Variants in BTG3 observed in about 807,000 individuals in gnomAD.
The protein encoded by BTG3 is protein BTG3.
A neutral mutation model predicts 25.8 loss-of-function variants in BTG3; 4 were observed. That is an observed-to-expected ratio of 0.16 (90% confidence interval 0.08 to 0.36). The LOEUF is 0.36. Among genes scored for constraint, BTG3 ranks in the 10% least tolerant of loss-of-function variants. The pLI, the probability that BTG3 is intolerant of heterozygous loss-of-function variation, is 1.00. For missense variants in BTG3, 201 were observed against 304.9 expected (o/e 0.66, Z 2.54); for synonymous variants, 107 against 99.9 (o/e 1.07, Z -0.42).
chr21:17,593,965 TA>T lies in BTG3; in HGVS notation c.*127del. 8.9e-7 allele frequency: 1 copy of T among 1,124,130 alleles called. No individual in the cohort carries two copies. The highest frequency in any genetic ancestry group is 1.2e-6 in the Non-Finnish European group (1 of 817,426). The allele number at this position is 1,124,130 out of a possible 1,614,324, so 69.6% of individuals were successfully genotyped here. The stretch of plus-strand genomic sequence containing the variant: ...GAAAGATTATTCTCAATAACTTCTA[TA>T]AAAATAAGTTTGATGGTTTGGCCCA... On this transcript the variant is annotated 3_prime_UTR_variant, in exon 5 of 5. Coordinates refer to ENST00000348354, the MANE Select transcript of BTG3 (RefSeq NM_006806.5).
At chr21:17,605,629 G>A (rs1464193233) in intron 2 of BTG3, among the ~76,000 whole-genome samples, 1 of 152,090 alleles carries the variant, frequency 6.6e-6, no homozygotes, top group Non-Finnish European at 1.5e-5. Flanking sequence ...TTAAATAGTT[G>A]TCAAAATTAA....
chr21:17,605,129 ATATC>A lies in BTG3; in HGVS notation c.174-136_174-133del, dbSNP rs1380070345. ...ATACCCTGGTAGAGAACCTAGGAGC[ATATC>A]TATCCTAAACAGATAATAAATGTGA... is the stretch of plus-strand genomic sequence containing the variant. On this transcript the variant is annotated intron_variant, in intron 2 of 4. Coordinates refer to ENST00000348354, the MANE Select transcript of BTG3 (RefSeq NM_006806.5). 2.9e-6 allele frequency: 3 copies of A among 1,025,278 alleles called. No individual in the cohort carries two copies. In the African/African-American group the frequency reaches 4.9e-5, roughly 17 times the overall value. 63.5% of individuals were successfully genotyped at this position (1,025,278 alleles called of 1,614,324 possible).
Position 17,593,804 on chromosome 21 carries a change from A to C in BTG3, c.*289T>G, listed in dbSNP as rs1032376921. ...GTGCTAGAACAAATCGTCCACTTCTACAGTGTTCTCGTATCCAACAGAGTT... is the reference window on the plus strand; with the variant it reads ...GTGCTAGAACAAATCGTCCACTTCTCCAGTGTTCTCGTATCCAACAGAGTT... On this transcript the variant is annotated 3_prime_UTR_variant, in exon 5 of 5. Transcript: ENST00000348354. 3.1e-6 allele frequency: 1 copy of C among 325,246 alleles called. No homozygotes were observed. The highest frequency in any genetic ancestry group is 2.2e-5 in the African/African-American group (1 of 46,096). 20.1% of individuals were successfully genotyped at this position (325,246 alleles called of 1,614,324 possible).
intron 1 of BTG3, among the ~76,000 whole-genome samples, chr21:17,611,118 T>G (rs1267727468): frequency 6.6e-6 from 1 of 152,146 alleles, no homozygotes; most frequent in Non-Finnish European, 1.5e-5. Context: ...CTGTGCAGCC[T>G]CCTCCTGAAA....
At chr21:17,597,746 A>G (rs1161502088) in intron 4 of BTG3, among the ~76,000 whole-genome samples, 1 of 152,100 alleles carries the variant, frequency 6.6e-6, no homozygotes, top group African/African-American at 2.4e-5. Flanking sequence ...TGAGAAAACC[A>G]AAAATTAAGT....
At chr21:17,596,241 C>T (rs1431648157) in intron 4 of BTG3, among the ~76,000 whole-genome samples, 1 of 151,916 alleles carries the variant, frequency 6.6e-6, no homozygotes, top group African/African-American at 2.4e-5. Context: ...CTATGGTTTG[C>T]CCATTTTCTT....
chr21:17,612,081 G>C (rs1205256341), intron 1 of BTG3: 2 of 152,356 alleles, frequency 1.3e-5, no homozygotes, highest in African/African-American at 4.8e-5. Flanking sequence ...CTGGGGTTTT[G>C]AGAGAGGTAG....
chr21:17,594,712 G>C lies in BTG3; in HGVS notation c.520-380C>G, dbSNP rs187986393. Among the ~76,000 whole-genome samples, 299 of 152,150 alleles carry C rather than the reference G, an allele frequency of 2.0e-3. 2 individuals carry two copies. The highest frequency in any genetic ancestry group is 3.6e-3 in the Admixed American group (55 of 15,258). On this transcript the variant is annotated intron_variant, in intron 4 of 4. Transcript: ENST00000348354. ...TTTTAAATACAAAACATTGGAGCTG[G>C]AGGCCATTATCCTTAGCAAACTAAT...
intron 2 of BTG3, 47 bp downstream of exon 2, chr21:17,608,925 A>C: frequency 6.4e-7 from 1 of 1,569,178 alleles, no homozygotes; most frequent in Non-Finnish European, 8.6e-7. Context: ...CCTTGAACCC[A>C]CCTCAGGGGT....
rs189117627 is a variant in BTG3, at chr21:17,612,637, C to T, written c.-9+62G>A. 670 of 152,330 alleles carry T rather than the reference C, an allele frequency of 4.4e-3. 22 individuals are homozygous for T. In the East Asian group the frequency reaches 0.084, roughly 19 times the overall value. The allele number at this position is 152,330 out of a possible 1,614,324, so 9.4% of individuals were successfully genotyped here. A position where few individuals can be genotyped will look rare whatever the true frequency, so the allele number is the denominator to read the frequency against. ...CGACGTGGCCGCAGGGGCGACGGGA[C>T]CACCCTCCCCCGATACCCACAGCCC... On this transcript the variant is annotated intron_variant, in intron 1 of 4. Coordinates refer to ENST00000348354, the MANE Select transcript of BTG3 (RefSeq NM_006806.5).
At chr21:17,601,714 G>A (rs1377334108) in intron 3 of BTG3, among the ~76,000 whole-genome samples, 2 of 152,106 alleles carry the variant, frequency 1.3e-5, no homozygotes, top group Non-Finnish European at 2.9e-5. Flanking sequence ...ATGTGTTAAT[G>A]ACACTAATAT....
chr21:17,606,661 A>G (rs2061646727), intron 2 of BTG3, among the ~76,000 whole-genome samples: 1 of 152,162 alleles, frequency 6.6e-6, no homozygotes, highest in Admixed American at 6.5e-5. Flanking sequence ...CAAAATCTGC[A>G]TACCTTACAT....
chr21:17,600,956 G>A (rs536860969), intron 3 of BTG3, among the ~76,000 whole-genome samples: 7 of 152,250 alleles, frequency 4.6e-5, no homozygotes, highest in Admixed American at 4.6e-4. Flanking sequence ...GAGGTCAGGC[G>A]TTCGAGGCCA....
chr21:17,608,426 G>A (rs533073911), intron 2 of BTG3, among the ~76,000 whole-genome samples: 1 of 151,516 alleles, frequency 6.6e-6, no homozygotes, highest in Non-Finnish European at 1.5e-5. Context: ...TTTACTAGTC[G>A]TGGATCACAG....
At chr21:17,611,815 GGCCTC>G (rs1569194376) in intron 1 of BTG3, 1 of 152,182 alleles carries the variant, frequency 6.6e-6, no homozygotes, top group Admixed American at 6.5e-5. Context: ...AATCAAGCTC[GGCCTC>G]GCAGGAGTTT....
chr21:17,594,352 T>A lies in BTG3; in HGVS notation c.520-20A>T. The A allele has an allele frequency of 6.3e-7, 1 of 1,599,234 alleles. No individual in the cohort carries two copies. Among genetic ancestry groups the A allele is most frequent in the South Asian group, 1.1e-5 (1 of 88,350 alleles). ...TGAAATCTGTAGGGAAGAGAACACATTAAGTTAATTCAAAGGAAAAAATCA... is the reference window on the plus strand; with the variant it reads ...TGAAATCTGTAGGGAAGAGAACACAATAAGTTAATTCAAAGGAAAAAATCA... On this transcript the variant is annotated intron_variant, in intron 4 of 4. Coordinates refer to ENST00000348354, the MANE Select transcript of BTG3 (RefSeq NM_006806.5).
chr21:17,600,272 A>C (rs1477668447), intron 3 of BTG3, among the ~76,000 whole-genome samples: 1 of 152,080 alleles, frequency 6.6e-6, no homozygotes. Context: ...ACTATCAAAC[A>C]ATTTCTAGCA....
chr21:17,598,979 C>G, intron 3 of BTG3, 155 bp from the exon 4 acceptor site: 1 of 557,182 alleles, frequency 1.8e-6, no homozygotes, highest in South Asian at 3.0e-5. Context: ...CCTAATACAG[C>G]TCAATGCCAG....
intron 2 of BTG3, among the ~76,000 whole-genome samples, chr21:17,606,124 T>A (rs897944090): frequency 9.2e-5 from 14 of 152,194 alleles, no homozygotes; most frequent in African/African-American, 3.4e-4. Context: ...TTTTAAAAAA[T>A]TTATTATGCA....
Sources: allele counts gnomAD v4.1 joint callset (sites outside exome capture counted in the v4.1 genomes callset), GRCh38; gene constraint gnomAD v4.1.1; transcripts MANE v1.5; gene names NCBI Gene and HGNC (gene_info 2026-07-23, HGNC 2026-07-21).